CSMD2: variants seen among roughly 807,000 people sequenced by gnomAD.
CSMD2 encodes CUB and sushi domain-containing protein 2.
CSMD2 carries 130 observed loss-of-function variants against 398.5 expected under a neutral mutation model. The observed-to-expected ratio is 0.33, with a 90% CI of 0.28 to 0.38. The LOEUF (loss-of-function observed/expected upper bound fraction) is 0.38. Among genes scored for constraint, CSMD2 ranks in the 10% least tolerant of loss-of-function variants. The pLI is 1.00. For synonymous variants in CSMD2, 1,828 were observed against 1,908.5 expected (o/e 0.96, Z 1.10); for missense variants, 3,829 against 4,764.9 (o/e 0.80, Z 5.78).
intron 3 of CSMD2, among the ~76,000 whole-genome samples, chr1:34,012,047 A>T (rs745472282): frequency 1.3e-5 from 2 of 152,186 alleles, no homozygotes; most frequent in Non-Finnish European, 2.9e-5. Flanking sequence ...CCTCATCTGA[A>T]AAACTGGGAA....
In CSMD2 at chr1:33,537,315, A is replaced by T; in HGVS notation, c.9805+121T>A. ...TCCTGCTGCAGAAGCTCAGAGGATGAGATGTTCCCTTTTGCAGATGAGACC... is the reference window on the plus strand; with the variant it reads ...TCCTGCTGCAGAAGCTCAGAGGATGTGATGTTCCCTTTTGCAGATGAGACC... On this transcript the variant is annotated intron_variant, in intron 61 of 70. Transcript: ENST00000373381. This position sits in a 1 kb window ranked among gnomAD's most constrained non-coding sequence, Gnocchi z 4.6. 8.4e-7 allele frequency: 1 copy of T among 1,196,612 alleles called. No individual in the cohort carries two copies. Among genetic ancestry groups the T allele is most frequent in the Non-Finnish European group, 1.2e-6 (1 of 835,894 alleles). The allele number at this position is 1,196,612 out of a possible 1,614,324, so 74.1% of individuals were successfully genotyped here. A position where few individuals can be genotyped will look rare whatever the true frequency, so the allele number is the denominator to read the frequency against.
At position 33,935,584 on chromosome 1, in the gene CSMD2, T is replaced by C. The variant is rs527316638; in HGVS notation, c.712+176A>G. On this transcript the variant is annotated intron_variant, in intron 4 of 70. Transcript: ENST00000373381. Reference sequence around the variant, plus strand: ...TTGAGGGTTAGGAGGTCAGGTGAGGTTGAAATACCCCTAGAACACTTGAGG... The same window carrying C: ...TTGAGGGTTAGGAGGTCAGGTGAGGCTGAAATACCCCTAGAACACTTGAGG... Among the ~76,000 whole-genome samples, 16 of 151,954 alleles carry C rather than the reference T, an allele frequency of 1.1e-4. No individual in the cohort carries two copies. In the East Asian group the frequency reaches 3.1e-3, roughly 29 times the overall value.
chr1:33,936,294 T>C (rs1173093376), intron 3 of CSMD2, among the ~76,000 whole-genome samples: 1 of 152,212 alleles, frequency 6.6e-6, no homozygotes, highest in African/African-American at 2.4e-5. Flanking sequence ...CTTTAACCTC[T>C]TGGGCATGGC....
intron 1 of CSMD2, among the ~76,000 whole-genome samples, chr1:34,116,538 T>C (rs1467239095): frequency 6.6e-6 from 1 of 151,838 alleles, no homozygotes; most frequent in African/African-American, 2.4e-5. Context: ...GACAGTAACA[T>C]GATAAGGAAG....
intron 1 of CSMD2, among the ~76,000 whole-genome samples, chr1:34,107,396 C>T (rs1189540335): frequency 1.3e-5 from 2 of 152,046 alleles, no homozygotes; most frequent in Non-Finnish European, 2.9e-5. Flanking sequence ...TTTTCTGTGC[C>T]AAGTACTGTC....
intron 3 of CSMD2, among the ~76,000 whole-genome samples, chr1:33,974,321 AACCC>A (rs1284221083): frequency 2.0e-5 from 3 of 152,192 alleles, no homozygotes; most frequent in African/African-American, 7.2e-5. Flanking sequence ...AGAAACTGAT[AACCC>A]AGCAGCATAC....
chr1:34,161,183 G>A (rs536589719), intron 1 of CSMD2, among the ~76,000 whole-genome samples: 4 of 152,282 alleles, frequency 2.6e-5, no homozygotes, highest in East Asian at 1.9e-4. Context: ...AAGGAAATAC[G>A]GGAGGCTTAA....
At chr1:33,682,791 G>T (rs1254917946) in intron 25 of CSMD2, among the ~76,000 whole-genome samples, 1 of 152,018 alleles carries the variant, frequency 6.6e-6, no homozygotes, top group South Asian at 2.1e-4. Context: ...CTCACCCAAG[G>T]TCTAGAGCCC....
chr1:33,646,297 C>A (rs1557669593), intron 29 of CSMD2, among the ~76,000 whole-genome samples: 2 of 152,116 alleles, frequency 1.3e-5, no homozygotes, highest in Non-Finnish European at 2.9e-5. Context: ...ATATCAGAAT[C>A]CTCTTTAGTG....
chr1:33,883,462 C>A (rs1273681055), intron 5 of CSMD2, among the ~76,000 whole-genome samples: 1 of 152,028 alleles, frequency 6.6e-6, no homozygotes. Flanking sequence ...GGTCCCCTCA[C>A]AGTTGCCTTT....
intron 5 of CSMD2, among the ~76,000 whole-genome samples, chr1:33,895,959 TCTC>T (rs927172948): frequency 1.3e-5 from 2 of 152,048 alleles, no homozygotes; most frequent in African/African-American, 4.8e-5. Context: ...GATACCGTCA[TCTC>T]CTCCAAGACG....
At chr1:33,556,287 T>C (rs1273905860) in intron 55 of CSMD2, among the ~76,000 whole-genome samples, 1 of 152,166 alleles carries the variant, frequency 6.6e-6, no homozygotes, top group African/African-American at 2.4e-5. Flanking sequence ...TATTTGCTGG[T>C]CATAAATGGG....
At chr1:33,956,758 A>G (rs1645182466) in intron 3 of CSMD2, among the ~76,000 whole-genome samples, 1 of 152,050 alleles carries the variant, frequency 6.6e-6, no homozygotes, top group South Asian at 2.1e-4. Flanking sequence ...CAAAGGTCTA[A>G]CTGAGCTCCC....
At chr1:33,754,960 G>A (rs1399262412) in intron 13 of CSMD2, among the ~76,000 whole-genome samples, 3 of 152,054 alleles carry the variant, frequency 2.0e-5, no homozygotes, top group Non-Finnish European at 4.4e-5. Context: ...GGTAGTGAAT[G>A]TTTGGGGTAG....
chr1:34,155,713 T>C (rs919002065), intron 1 of CSMD2, among the ~76,000 whole-genome samples: 1 of 152,104 alleles, frequency 6.6e-6, no homozygotes, highest in African/African-American at 2.4e-5. Context: ...GAGCTCCCCA[T>C]CCCTGGAAAG....
intron 12 of CSMD2, 27 bp from the exon 13 acceptor site, chr1:33,772,778 G>A (rs1356098199): frequency 1.9e-6 from 3 of 1,595,084 alleles, no homozygotes; most frequent in Non-Finnish European, 2.6e-6. Flanking sequence ...TGAGAAAACA[G>A]AGACAAAAGG....
intron 3 of CSMD2, among the ~76,000 whole-genome samples, chr1:34,003,964 G>C (rs1646979610): frequency 6.6e-6 from 1 of 152,166 alleles, no homozygotes; most frequent in Admixed American, 6.5e-5. Context: ...ATGTGGCTCT[G>C]TGCAGACTCT....
At chr1:33,764,093 C>A (rs1371423566) in intron 13 of CSMD2, among the ~76,000 whole-genome samples, 1 of 152,126 alleles carries the variant, frequency 6.6e-6, no homozygotes, top group Non-Finnish European at 1.5e-5. Flanking sequence ...TTCCTTCCCC[C>A]ATAAAGTATC....
rs1646098004 is a variant in CSMD2, at chr1:33,714,534, A to G, written c.3406+53T>C. 7 of 1,580,214 alleles carry G rather than the reference A, an allele frequency of 4.4e-6. 1 individual carries two copies. The South Asian group carries it at 5.7e-5, about 13-fold the overall frequency. On this transcript the variant is annotated intron_variant, in intron 21 of 70. Transcript: ENST00000373381. Reference sequence around the variant, plus strand: ...GTCCACCACCTCACATCAATTGACTATAATCTGTCCCACCCCATTAGTGAA... The same window carrying G: ...GTCCACCACCTCACATCAATTGACTGTAATCTGTCCCACCCCATTAGTGAA...
Sources: gnomAD v4.1 joint callset for allele counts (sites outside exome capture counted in the v4.1 genomes callset) on GRCh38, gnomAD v4.1.1 for gene constraint, Gnocchi (gnomAD v3.1) non-coding constraint, MANE v1.5 for transcripts, NCBI Gene and HGNC (gene_info 2026-07-23, HGNC 2026-07-21) for gene names.